The following FILIP1 variants were observed in gnomAD, a reference collection of about 807,000 sequenced individuals.
FILIP1 encodes filamin-A-interacting protein 1.
Under a neutral mutation model 102.1 loss-of-function variants are expected in FILIP1, and 61 were observed. That is an observed-to-expected ratio of 0.60 (90% CI 0.49 to 0.74). The LOEUF (loss-of-function observed/expected upper bound fraction) is 0.74. FILIP1 is among the 30% of genes least tolerant of loss of function. The pLI is 0.00. For synonymous variants in FILIP1, 491 were observed against 526.9 expected, an observed-to-expected ratio of 0.93 and a Z score of 0.93; for missense variants, 1,314 against 1,441.2, an observed-to-expected ratio of 0.91 and a Z score of 1.43.
At position 75,313,736 on chromosome 6, in the gene FILIP1, A is replaced by G. The variant is rs141477236; in HGVS notation, c.2096T>C (p.Val699Ala). The G allele has an allele frequency of 3.8e-6, 6 of 1,575,774 alleles. No homozygotes were observed. The highest frequency in any genetic ancestry group is 4.3e-6 in the Non-Finnish European group (5 of 1,165,112). The change falls in exon 5 of 6, where the codon GTT becomes GCT. Residue 699 changes from valine to alanine, a missense_variant. Transcript: ENST00000237172. This position sits in a 1 kb window ranked among gnomAD's most constrained non-coding sequence, Gnocchi z 4.2. The part of the protein sequence containing the change: ...AKNKAIEKGE[V>A]VSQEAELRHR... The stretch of plus-strand genomic sequence containing the variant: ...TCTCAGTTCAGCTTCCTGGCTCACA[A>G]CCTCACCCTTCTCTATTGCTTTATT...
intron 1 of FILIP1, among the ~76,000 whole-genome samples, chr6:75,423,545 C>T (rs1476380437): frequency 2.0e-5 from 3 of 152,120 alleles, no homozygotes; most frequent in Admixed American, 6.6e-5. Flanking sequence ...TGAATCCCAG[C>T]GATACCGTTA....
chr6:75,305,247 T>C (rs1016303807), downstream of FILIP1, among the ~76,000 whole-genome samples: 4 of 152,192 alleles, frequency 2.6e-5, no homozygotes, highest in South Asian at 8.3e-4. Context: ...CCAATATAAA[T>C]GTGCTCTTCA....
chr6:75,296,002 C>A (rs2149530509), intron 6 of FILIP1: 1 of 1,216,028 alleles, frequency 8.2e-7, no homozygotes, highest in South Asian at 1.9e-5. Flanking sequence ...AACTGAGAAT[C>A]AAGCTACATC....
rs1779666059 is a variant in FILIP1 at position 75,482,183 on chromosome 6, T to C, written c.-7+11231A>G. Among the ~76,000 whole-genome samples, 2 of 152,266 alleles carry C rather than the reference T, an allele frequency of 1.3e-5. 1 individual carries two copies. The highest frequency in any genetic ancestry group is 4.1e-4 in the South Asian group (2 of 4,828). On this transcript the variant is annotated intron_variant, in intron 1 of 5. Transcript: ENST00000237172. The stretch of plus-strand genomic sequence containing the variant: ...GACTTTATTCCCTGGAAGATGTGAA[T>C]GGTGATGTAAATAATGGCATCATTG...
intron 1 of FILIP1, among the ~76,000 whole-genome samples, chr6:75,429,391 T>G (rs1468850587): frequency 6.6e-6 from 1 of 152,150 alleles, no homozygotes; most frequent in Non-Finnish European, 1.5e-5. Context: ...GAAGCTGTGC[T>G]CCATCTACAA....
At chr6:75,458,857 C>T (rs1196383638) in intron 1 of FILIP1, 1 of 151,880 alleles carries the variant, frequency 6.6e-6, no homozygotes, top group Non-Finnish European at 1.5e-5. Context: ...TTCCTTGCTC[C>T]TGGATGTGGA....
rs111898115 is a variant in FILIP1, at chr6:75,414,195, A to G, written c.276+502T>C. On this transcript the variant is annotated intron_variant, in intron 2 of 5. Transcript: ENST00000237172. The stretch of plus-strand genomic sequence containing the variant: ...ATTCCTATGATGTTGTAGAATATTG[A>G]GACTGAAAGTTAAAAAAAGAGAGAA... 3.8e-3 allele frequency among the ~76,000 whole-genome samples: 582 copies of G among 151,636 alleles called. 6 individuals are homozygous for G. The highest frequency in any genetic ancestry group is 0.013 in the African/African-American group (557 of 41,346).
intron 1 of FILIP1, among the ~76,000 whole-genome samples, chr6:75,421,891 A>G (rs1777481588): frequency 6.6e-6 from 1 of 152,026 alleles, no homozygotes; most frequent in Non-Finnish European, 1.5e-5. Flanking sequence ...TGGAACCAGG[A>G]CTCATGTCTC....
chr6:75,483,604 G>T (rs1034795582), intron 1 of FILIP1, among the ~76,000 whole-genome samples: 5 of 152,096 alleles, frequency 3.3e-5, no homozygotes, highest in African/African-American at 9.7e-5. Flanking sequence ...ATCTTGAGGA[G>T]AATAGGTTGC....
chr6:75,484,643 T>C (rs1373573779), intron 1 of FILIP1, among the ~76,000 whole-genome samples: 1 of 152,184 alleles, frequency 6.6e-6, no homozygotes, highest in African/African-American at 2.4e-5. Context: ...CAGGTGACTT[T>C]GATGCACAGA....
intron 2 of FILIP1, chr6:75,385,736 T>C (rs1776072284): frequency 6.6e-6 from 1 of 152,148 alleles, no homozygotes; most frequent in South Asian, 2.1e-4. Flanking sequence ...TTAATTTTGT[T>C]ATAAGCTGAT....
chr6:75,461,909 G>A (rs1779034165), intron 1 of FILIP1, among the ~76,000 whole-genome samples: 1 of 152,104 alleles, frequency 6.6e-6, no homozygotes, highest in Non-Finnish European at 1.5e-5. Flanking sequence ...TTTCTCAAAG[G>A]TGCCTACACA....
chr6:75,442,055 G>A (rs1333958520), intron 1 of FILIP1, among the ~76,000 whole-genome samples: 8 of 151,750 alleles, frequency 5.3e-5, no homozygotes, highest in Non-Finnish European at 1.2e-4. Flanking sequence ...CTGCCGGGTG[G>A]AGGGGCTCCT....
At chr6:75,410,763 G>A (rs1777040354) in intron 2 of FILIP1, among the ~76,000 whole-genome samples, 1 of 152,174 alleles carries the variant, frequency 6.6e-6, no homozygotes, top group African/African-American at 2.4e-5. Flanking sequence ...ATTCCATGGT[G>A]TATATGTGCC....
At chr6:75,387,520 G>T (rs534797190) in intron 2 of FILIP1, among the ~76,000 whole-genome samples, 10 of 152,234 alleles carry the variant, frequency 6.6e-5, no homozygotes, top group African/African-American at 4.8e-5. Flanking sequence ...GTGTAAGAGC[G>T]TTCCTATTTC....
At chr6:75,367,355 G>C (rs1239457226) in intron 2 of FILIP1, 2 of 152,190 alleles carry the variant, frequency 1.3e-5, no homozygotes, top group Non-Finnish European at 1.5e-5. Flanking sequence ...ATGGAAAGAG[G>C]CTGGGTGTGG....
intron 1 of FILIP1, chr6:75,428,355 G>A (rs1270925736): frequency 2.0e-5 from 3 of 152,884 alleles, no homozygotes; most frequent in Non-Finnish European, 4.4e-5. Context: ...AAAAGCCTAG[G>A]GCAGTGGTGC....
chr6:75,386,246 G>C (rs1206169669), intron 2 of FILIP1: 1 of 152,148 alleles, frequency 6.6e-6, no homozygotes, highest in Non-Finnish European at 1.5e-5. Context: ...ATGAAAGCAT[G>C]GTGAAGATGA....
chr6:75,308,502 C>T lies in FILIP1; in HGVS notation c.*189G>A. ...TTCTAGGCAGCAAGCAATAGTTTTG[C>T]TAATTTTGTTCCCCAGCATCAAAAC... is the stretch of plus-strand genomic sequence containing the variant. On this transcript the variant is annotated 3_prime_UTR_variant, in exon 6 of 6. Transcript: ENST00000237172. 11 of 1,419,712 alleles carry T rather than the reference C, an allele frequency of 7.7e-6. No individual in the cohort carries two copies. The highest frequency in any genetic ancestry group is 2.9e-5 in the Admixed American group (1 of 34,988). 87.9% of individuals were successfully genotyped at this position (1,419,712 alleles called of 1,614,324 possible). A position where few individuals can be genotyped will look rare whatever the true frequency, so the allele number is the denominator to read the frequency against.
Sources: gnomAD v4.1 joint callset for allele counts (sites outside exome capture counted in the v4.1 genomes callset) on GRCh38, gnomAD v4.1.1 for gene constraint, Gnocchi (gnomAD v3.1) non-coding constraint, MANE v1.5 for transcripts, NCBI Gene and HGNC (gene_info 2026-07-23, HGNC 2026-07-21) for gene names.